The following ISM2 variants were observed in gnomAD, a reference collection of about 807,000 sequenced individuals.
ISM2 encodes isthmin-2.
A neutral mutation model predicts 58.0 loss-of-function variants in ISM2; 50 were observed. The ratio of observed to expected loss-of-function variants is 0.86; its 90% CI spans 0.69 to 1.09. The LOEUF (loss-of-function observed/expected upper bound fraction) is 1.09. ISM2 is among the 50% of genes least tolerant of loss of function. ISM2 has a pLI of 0.00. For missense variants in ISM2, 723 were observed against 745.0 expected (o/e 0.97, Z 0.34); for synonymous variants, 303 against 312.4 (o/e 0.97, Z 0.32).
chr14:77,475,935 C>A lies in ISM2; in HGVS notation c.1376G>T (p.Ser459Ile). Residue 459 changes from serine (S) to isoleucine (I), a missense_variant, in exon 7 of 7, where the codon AGT (serine) becomes ATT (isoleucine). By Grantham distance (142) the Ser-to-Ile change is moderately radical (BLOSUM62 -2). Coordinates refer to ENST00000342219, the MANE Select transcript of ISM2 (RefSeq NM_199296.3). This position sits in a 1 kb window ranked among gnomAD's most constrained non-coding sequence, Gnocchi z 4.1. ...GATGTCCAGGCGCTCGCGAGGGCCA[C>A]TGGCATCCCTCCACCGGAAGCTGCG... ...QGRSFRWRDA[S>I]GPRERLDIYQ... 1 of 1,599,578 alleles carries A rather than the reference C, an allele frequency of 6.3e-7. No homozygotes were observed.
intron 1 of ISM2, 174 bp downstream of exon 1, chr14:77,498,479 C>CG (rs2139978611): frequency 8.4e-7 from 1 of 1,186,368 alleles, no homozygotes; most frequent in African/African-American, 1.6e-5. Context: ...CGAAGTCCGG[C>CG]GCACCTGGGC....
At chr14:77,487,667 A>C (rs1454094591) in intron 1 of ISM2, among the ~76,000 whole-genome samples, 2 of 152,244 alleles carry the variant, frequency 1.3e-5, no homozygotes, top group Non-Finnish European at 2.9e-5. Flanking sequence ...GATGTGGGGA[A>C]CGTCTCATCT....
At chr14:77,483,519 G>T (rs2079145891) in intron 3 of ISM2, among the ~76,000 whole-genome samples, 1 of 148,532 alleles carries the variant, frequency 6.7e-6, no homozygotes, top group Non-Finnish European at 1.5e-5. Flanking sequence ...TTGCATTCCA[G>T]CCTGTGCAAC....
At chr14:77,493,696 A>C (rs1387064759) in intron 1 of ISM2, among the ~76,000 whole-genome samples, 2 of 152,016 alleles carry the variant, frequency 1.3e-5, no homozygotes, top group Non-Finnish European at 2.9e-5. Flanking sequence ...TCCTGACCTC[A>C]AGTGATCCAC....
At chr14:77,478,135 C>A in intron 6 of ISM2, 107 bp downstream of exon 6, 1 of 894,506 alleles carries the variant, frequency 1.1e-6, no homozygotes, top group Non-Finnish European at 1.8e-6. Flanking sequence ...AAGCTGTGCT[C>A]TCTGCCTAGT....
rs772342344 is a variant in ISM2 at position 77,496,799 on chromosome 14, G to GAAAAAAAAAAA, written c.141+1843_141+1853dup. 1.9e-4 allele frequency among the ~76,000 whole-genome samples: 5 copies of GAAAAAAAAAAA among 25,802 alleles called. 1 individual carries two copies. The highest frequency in any genetic ancestry group is 7.3e-4 in the African/African-American group (4 of 5,462). The allele number at this position is 25,802 out of a possible 152,430, so 16.9% of individuals were successfully genotyped here. A position where few individuals can be genotyped will look rare whatever the true frequency, so the allele number is the denominator to read the frequency against. ...GTGACAGAGTGAGACTCCATCTCAGGAAAAAAAAAAAAAAAAAAAAAAAAA... is the reference window on the plus strand; with the variant it reads ...GTGACAGAGTGAGACTCCATCTCAGGAAAAAAAAAAAAAAAAAAAAAAAAAAAAAAAAAAAA... On this transcript the variant is annotated intron_variant, in intron 1 of 6. Coordinates refer to ENST00000342219, the MANE Select transcript of ISM2 (RefSeq NM_199296.3).
At chr14:77,491,250 C>T (rs2079201975) in intron 1 of ISM2, among the ~76,000 whole-genome samples, 1 of 152,182 alleles carries the variant, frequency 6.6e-6, no homozygotes, top group African/African-American at 2.4e-5. Context: ...TGTTCTGTCT[C>T]AGCCTATACC....
Position 77,485,225 on chromosome 14 carries a change from A to G in ISM2, c.142-306T>C, listed in dbSNP as rs148276763. 6.9e-3 allele frequency among the ~76,000 whole-genome samples: 1,051 copies of G among 152,346 alleles called. 12 individuals are homozygous for G. The highest frequency in any genetic ancestry group is 0.024 in the African/African-American group (990 of 41,576). ...GTCATTTCACAGATGAAGAAACCACAGCCCAAGAAGGGGAGAGAGTTGTTT... is the reference window on the plus strand; with the variant it reads ...GTCATTTCACAGATGAAGAAACCACGGCCCAAGAAGGGGAGAGAGTTGTTT... On this transcript the variant is annotated intron_variant, in intron 1 of 6. Coordinates refer to ENST00000342219, the MANE Select transcript of ISM2 (RefSeq NM_199296.3).
At chr14:77,492,064 A>C (rs531567305) in intron 1 of ISM2, among the ~76,000 whole-genome samples, 1 of 151,458 alleles carries the variant, frequency 6.6e-6, no homozygotes, top group Admixed American at 6.6e-5. Flanking sequence ...GCACTGGTGC[A>C]ATCACAGCTC....
Position 77,484,678 on chromosome 14 carries a change from T to C in ISM2, c.383A>G (p.Gln128Arg), listed in dbSNP as rs746036203. 2.5e-6 allele frequency: 4 copies of C among 1,610,166 alleles called. No homozygotes were observed. Among genetic ancestry groups the C allele is most frequent in the Non-Finnish European group, 2.5e-6 (3 of 1,179,088 alleles). Residue 128 changes from glutamine to arginine, a missense_variant and splice_region_variant, in exon 2 of 7, where the codon CAG becomes CGG. By Grantham distance (43) the Gln-to-Arg change is conservative. Coordinates refer to ENST00000342219, the MANE Select transcript of ISM2 (RefSeq NM_199296.3). ...TGCTGGCCCTTCTGTAGCTCTCACCTGGGTATCAGGGTTAGGGGTACTCAA... is the reference window on the plus strand; with the variant it reads ...TGCTGGCCCTTCTGTAGCTCTCACCCGGGTATCAGGGTTAGGGGTACTCAA... ...TTLSTPNPDT[Q>R]ASASPDPRPL...
rs2079139074 is a variant in ISM2, at chr14:77,482,555, G to T, written c.740C>A (p.Ser247Tyr). 3.7e-6 allele frequency: 6 copies of T among 1,613,852 alleles called. No homozygotes were observed. Among genetic ancestry groups the T allele is most frequent in the Non-Finnish European group, 5.1e-6 (6 of 1,179,940 alleles). ...DTLSWLPALWSFLWGDYKGEE... is the reference protein window; with the variant it reads ...DTLSWLPALWYFLWGDYKGEE... ...TCCTTTGTAGTCTCCCCAGAGGAAG[G>T]ACCAGAGGGCGGGCAGCCAGCTAAG... Residue 247 changes from serine to tyrosine, a missense_variant, in exon 4 of 7, where the codon TCC becomes TAC. Coordinates refer to ENST00000342219, the MANE Select transcript of ISM2 (RefSeq NM_199296.3).
At chr14:77,494,807 A>C (rs2079228498) in intron 1 of ISM2, among the ~76,000 whole-genome samples, 1 of 152,210 alleles carries the variant, frequency 6.6e-6, no homozygotes, top group South Asian at 2.1e-4. Context: ...AACACAAATC[A>C]TGAAGACTCA....
rs139626755 is a variant in ISM2, at chr14:77,475,815, C to T, written c.1496G>A (p.Arg499Gln). Residue 499 changes from arginine (R) to glutamine (Q), a missense_variant, in exon 7 of 7, where the codon CGG (arginine) becomes CAG (glutamine). Transcript: ENST00000342219. The surrounding 1 kb of genome is among the most constrained non-coding windows in gnomAD (Gnocchi z 4.1). ...AQHCCYDEDS[R>Q]LLTRGKGAGM... is the part of the protein sequence containing the mutation. ...GGCGCCCTTGCCACGGGTCAGCAGC[C>T]GGCTGTCCTCGTCATAGCAGCAGTG... 137 of 1,612,628 alleles carry T rather than the reference C, an allele frequency of 8.5e-5. No homozygotes were observed. The African/African-American group carries it at 1.0e-3, about 12-fold the overall frequency.
intron 1 of ISM2, among the ~76,000 whole-genome samples, chr14:77,494,873 C>T (rs528840926): frequency 6.6e-6 from 1 of 151,530 alleles, no homozygotes; most frequent in South Asian, 2.1e-4. Flanking sequence ...TCTCTCAGCT[C>T]TCTTTTTTCA....
Position 77,484,777 on chromosome 14 carries a change from G to T in ISM2, c.284C>A (p.Thr95Asn), listed in dbSNP as rs1266759838. 1.2e-6 allele frequency: 2 copies of T among 1,611,284 alleles called. No individual in the cohort carries two copies. The highest frequency in any genetic ancestry group is 2.7e-5 in the African/African-American group (2 of 73,956). Residue 95 changes from threonine to asparagine, a missense_variant, in exon 2 of 7, where the codon ACC (threonine) becomes AAC (asparagine). By Grantham distance (65) the Thr-to-Asn change is moderately conservative. Transcript: ENST00000342219. ...EPAAMTPGNA[T>N]PPRTPEVTPL... is the part of the protein sequence containing the mutation. ...AGTAACCTCTGGGGTCCTGGGAGGG[G>T]TGGCGTTGCCTGGGGTCATGGCTGC...
chr14:77,491,270 C>A (rs527962202), intron 1 of ISM2, among the ~76,000 whole-genome samples: 24 of 152,172 alleles, frequency 1.6e-4, no homozygotes, highest in Non-Finnish European at 3.2e-4. Context: ...CCTCAACAAG[C>A]GCTTCTTTCA....
At chr14:77,478,400 C>T (rs1370661999) in intron 5 of ISM2, 75 bp from the exon 6 acceptor site, 1 of 1,464,540 alleles carries the variant, frequency 6.8e-7, no homozygotes, top group Admixed American at 1.7e-5. Context: ...ACCCCCCCAC[C>T]TCAATAGGCT....
intron 1 of ISM2, among the ~76,000 whole-genome samples, chr14:77,491,557 T>C (rs2079204479): frequency 6.6e-6 from 1 of 151,954 alleles, no homozygotes; most frequent in African/African-American, 2.4e-5. Context: ...CCCGGCTAAT[T>C]TTTTTGGTAT....
At chr14:77,496,799 GAAAAAAAAAAAAAAAAAAAA>G (rs772342344) in intron 1 of ISM2, among the ~76,000 whole-genome samples, 4 of 25,788 alleles carry the variant, frequency 1.6e-4, no homozygotes, top group African/African-American at 3.7e-4. Context: ...TCCATCTCAG[GAAAAAAAAAAAAAAAAAAAA>G]AAAAAAAAAA....
Sources: gnomAD v4.1 joint callset for allele counts (sites outside exome capture counted in the v4.1 genomes callset) on GRCh38, gnomAD v4.1.1 for gene constraint, Gnocchi (gnomAD v3.1) non-coding constraint, MANE v1.5 for transcripts, NCBI Gene and HGNC (gene_info 2026-07-23, HGNC 2026-07-21) for gene names.